Variants in UNC5D observed in about 807,000 individuals in gnomAD.
UNC5D encodes unc-5 netrin receptor D.
In UNC5D, 39 loss-of-function variants were observed where a neutral mutation model predicts 105.4. The observed-to-expected ratio is 0.37, with a 90% CI of 0.29 to 0.48. The LOEUF (loss-of-function observed/expected upper bound fraction) is 0.48. Among genes scored for constraint, UNC5D ranks in the 20% least tolerant of loss-of-function variants. The probability of loss-of-function intolerance (pLI) is 0.98; values close to 1 mark genes in which losing one functional copy is unlikely to be tolerated. For missense variants in UNC5D, 991 were observed against 1,202.4 expected, an observed-to-expected ratio of 0.82 and a Z score of 2.60; for synonymous variants, 452 against 450.4, an observed-to-expected ratio of 1.00 and a Z score of -0.04.
intron 1 of UNC5D, among the ~76,000 whole-genome samples, chr8:35,487,222 T>C (rs539972172): frequency 2.7e-5 from 4 of 145,902 alleles, no homozygotes; most frequent in Non-Finnish European, 6.1e-5. Flanking sequence ...TAGTTCTTTG[T>C]GTCAATATGG....
At chr8:35,360,698 G>A (rs547929973) in intron 1 of UNC5D, among the ~76,000 whole-genome samples, 79 of 152,292 alleles carry the variant, frequency 5.2e-4, no homozygotes, top group African/African-American at 1.8e-3. Flanking sequence ...TCTGCTGTGT[G>A]AGTACATATT....
At chr8:35,754,941 TC>T (rs1225948375) in intron 13 of UNC5D, among the ~76,000 whole-genome samples, 1 of 152,208 alleles carries the variant, frequency 6.6e-6, no homozygotes, top group Non-Finnish European at 1.5e-5. Flanking sequence ...AAATGTCATC[TC>T]CCTGTAGGTA....
intron 1 of UNC5D, among the ~76,000 whole-genome samples, chr8:35,303,704 C>T (rs1421087894): frequency 1.3e-5 from 2 of 152,086 alleles, no homozygotes; most frequent in Non-Finnish European, 1.5e-5. Context: ...ATCAATTGTC[C>T]ACTGTGAGGC....
intron 1 of UNC5D, among the ~76,000 whole-genome samples, chr8:35,245,235 C>A (rs1235232169): frequency 6.6e-6 from 1 of 152,056 alleles, no homozygotes; most frequent in Non-Finnish European, 1.5e-5. Context: ...CTTATAATAA[C>A]AATTTCCATC....
At chr8:35,547,196 C>G (rs1422810730) in intron 1 of UNC5D, among the ~76,000 whole-genome samples, 2 of 151,798 alleles carry the variant, frequency 1.3e-5, no homozygotes, top group Non-Finnish European at 1.5e-5. Flanking sequence ...TATTTTCTTC[C>G]TTATACAAAA....
At chr8:35,392,237 T>A (rs1803822735) in intron 1 of UNC5D, among the ~76,000 whole-genome samples, 1 of 152,154 alleles carries the variant, frequency 6.6e-6, no homozygotes, top group Non-Finnish European at 1.5e-5. Flanking sequence ...TGAGTCAGTA[T>A]CTCTGTCACC....
intron 1 of UNC5D, among the ~76,000 whole-genome samples, chr8:35,312,771 C>G (rs948880052): frequency 6.6e-6 from 1 of 152,152 alleles, no homozygotes; most frequent in Admixed American, 6.5e-5. Context: ...TGAATTTTCT[C>G]CTCTGTTTCA....
chr8:35,277,328 G>A (rs764391295), intron 1 of UNC5D, among the ~76,000 whole-genome samples: 5 of 152,110 alleles, frequency 3.3e-5, no homozygotes, highest in Non-Finnish European at 7.4e-5. Flanking sequence ...TATATCCTTA[G>A]GGCAGTTTCT....
rs1330902830 is a variant in UNC5D, at chr8:35,792,812, A to T, written c.*2249A>T. The stretch of plus-strand genomic sequence containing the variant: ...TATAATTGTTTCATCTACTCTGTGA[A>T]TCTACATAGGTCTTTTTTTTTAGAT... On this transcript the variant is annotated 3_prime_UTR_variant, in exon 17 of 17. Coordinates refer to ENST00000404895, the MANE Select transcript of UNC5D (RefSeq NM_080872.4). 3.1e-6 allele frequency: 1 copy of T among 327,488 alleles called. No homozygotes were observed. Among genetic ancestry groups the T allele is most frequent in the Non-Finnish European group, 5.8e-6 (1 of 171,252 alleles). The allele number at this position is 327,488 out of a possible 1,614,324, so 20.3% of individuals were successfully genotyped here.
Position 35,677,361 on chromosome 8 carries a change from C to T in UNC5D, c.571-6186C>T, listed in dbSNP as rs142347455. On this transcript the variant is annotated intron_variant, in intron 4 of 16. Coordinates refer to ENST00000404895, the MANE Select transcript of UNC5D (RefSeq NM_080872.4). ...ACGCAGAACAGTCCCTTGTCTTTAA[C>T]ATGCAAGCAGTGCTCGTGGGGGTCT... Among the ~76,000 whole-genome samples, 687 of 152,230 alleles carry T rather than the reference C, an allele frequency of 4.5e-3. 3 individuals are homozygous for T. Among genetic ancestry groups the T allele is most frequent in the African/African-American group, 0.015 (641 of 41,526 alleles).
intron 4 of UNC5D, among the ~76,000 whole-genome samples, chr8:35,622,933 T>G (rs1334791902): frequency 1.3e-5 from 2 of 152,144 alleles, no homozygotes; most frequent in Non-Finnish European, 2.9e-5. Context: ...GTTTTAGGAG[T>G]GTAGCTACCG....
intron 11 of UNC5D, among the ~76,000 whole-genome samples, chr8:35,742,125 G>A (rs925938388): frequency 6.6e-6 from 1 of 152,146 alleles, no homozygotes; most frequent in East Asian, 1.9e-4. Flanking sequence ...CACAGTGTTG[G>A]GGTTGGCTGA....
At chr8:35,447,855 C>A (rs1177280190) in intron 1 of UNC5D, among the ~76,000 whole-genome samples, 1 of 152,010 alleles carries the variant, frequency 6.6e-6, no homozygotes, top group Non-Finnish European at 1.5e-5. Context: ...CTGGAGTCTT[C>A]TGCTATAATT....
At position 35,793,485 on chromosome 8, in the gene UNC5D, G is replaced by A. The variant is rs1234751658; in HGVS notation, c.*2922G>A. 1 of 158,694 alleles carries A rather than the reference G, an allele frequency of 6.3e-6. No homozygotes were observed. The highest frequency in any genetic ancestry group is 2.4e-5 in the African/African-American group (1 of 41,456). The allele number at this position is 158,694 out of a possible 1,614,324, so 9.8% of individuals were successfully genotyped here. On this transcript the variant is annotated 3_prime_UTR_variant, in exon 17 of 17. Transcript: ENST00000404895. ...AATTAAAAGTGGCCTCGAGTACTTG[G>A]TAAGTTACTTAAAATTTTTACAAAA... is the stretch of plus-strand genomic sequence containing the variant.
chr8:35,609,647 G>A (rs911435911), intron 4 of UNC5D, among the ~76,000 whole-genome samples: 1 of 152,196 alleles, frequency 6.6e-6, no homozygotes, highest in Non-Finnish European at 1.5e-5. Context: ...TGACTCTCCA[G>A]TATGGCAGTA....
At chr8:35,633,465 G>T (rs574065593) in intron 4 of UNC5D, among the ~76,000 whole-genome samples, 2 of 150,988 alleles carry the variant, frequency 1.3e-5, no homozygotes, top group South Asian at 4.2e-4. Context: ...ATCCTTTTTT[G>T]TACAGGGCAC....
intron 3 of UNC5D, among the ~76,000 whole-genome samples, chr8:35,572,871 T>A (rs1414824568): frequency 1.3e-5 from 2 of 151,400 alleles, no homozygotes; most frequent in Non-Finnish European, 2.9e-5. Context: ...TGGTGCGATC[T>A]GGGCTCACTG....
chr8:35,760,735 A>G (rs1015268891), intron 14 of UNC5D, among the ~76,000 whole-genome samples: 4 of 151,212 alleles, frequency 2.6e-5, no homozygotes, highest in African/African-American at 9.7e-5. Flanking sequence ...CATAATGTGT[A>G]GCGTCCTCTG....
At chr8:35,556,089 T>C (rs1311777654) in intron 2 of UNC5D, among the ~76,000 whole-genome samples, 1 of 152,074 alleles carries the variant, frequency 6.6e-6, no homozygotes, top group African/African-American at 2.4e-5. Flanking sequence ...CAGTGATAAT[T>C]GCATCCACAA....
Sources: gnomAD v4.1 joint callset for allele counts (sites outside exome capture counted in the v4.1 genomes callset) on GRCh38, gnomAD v4.1.1 for gene constraint, MANE v1.5 for transcripts, NCBI Gene and HGNC (gene_info 2026-07-23, HGNC 2026-07-21) for gene names.